PPFIA4: variants seen among roughly 807,000 people sequenced by gnomAD.
PPFIA4 encodes PPFI scaffold protein A4.
In PPFIA4, 98 loss-of-function variants were observed where a neutral mutation model predicts 145.7. The observed-to-expected ratio is 0.67, with a 90% CI of 0.57 to 0.80. The LOEUF (loss-of-function observed/expected upper bound fraction) is 0.80. Ranked by LOEUF, PPFIA4 falls within the 30% of genes least tolerant of loss-of-function variation. PPFIA4 has a pLI of 0.00. For synonymous variants in PPFIA4, 628 were observed against 649.6 expected, an observed-to-expected ratio of 0.97 and a Z score of 0.51; for missense variants, 1,457 against 1,632.7, an observed-to-expected ratio of 0.89 and a Z score of 1.85.
At position 203,056,483 on chromosome 1, in the gene PPFIA4, G is replaced by A; in HGVS notation, c.2215G>A (p.Ala739Thr). ...TLRLEKLGHP[A>T]LSQEEGKSAL... ...GCGGCTAGAGAAGCTTGGCCACCCA[G>A]CCCTGAGCCAGGAAGAAGGCAAGAG... Residue 739 changes from alanine (A) to threonine (T), a missense_variant, in exon 18 of 30, where the codon GCC (alanine) becomes ACC (threonine). Physicochemically the swap from Ala to Thr is moderately conservative, Grantham distance 58. Around this residue, in one of 3 missense-constraint regions of PPFIA4, gnomAD observed 848 missense variants for 1,046.7 expected, o/e 0.81. Transcript: ENST00000295706. The A allele has an allele frequency of 6.2e-7, 1 of 1,613,924 alleles. No individual in the cohort carries two copies. The highest frequency in any genetic ancestry group is 2.2e-5 in the East Asian group (1 of 44,888).
intron 28 of PPFIA4, 78 bp downstream of exon 28, chr1:203,071,838 C>A: frequency 8.0e-7 from 1 of 1,242,552 alleles, no homozygotes; most frequent in Non-Finnish European, 1.2e-6. Context: ...GTTCTGCCTT[C>A]CCTGGGCTAA....
chr1:203,066,202 G>A (rs1661717793), intron 25 of PPFIA4, among the ~76,000 whole-genome samples: 1 of 152,210 alleles, frequency 6.6e-6, no homozygotes. Flanking sequence ...CCAGTCATGA[G>A]CTGTGTGTGC....
intron 27 of PPFIA4, among the ~76,000 whole-genome samples, chr1:203,070,364 T>G (rs1391926784): frequency 6.6e-6 from 1 of 152,112 alleles, no homozygotes; most frequent in Non-Finnish European, 1.5e-5. Context: ...GAGGATTGCT[T>G]GAGGCCAGGA....
chr1:203,066,219 C>G (rs566412996), intron 25 of PPFIA4, among the ~76,000 whole-genome samples: 72 of 152,274 alleles, frequency 4.7e-4, no homozygotes, highest in African/African-American at 1.7e-3. Flanking sequence ...GTGCGCATGC[C>G]CCTTCACAGT....
At position 203,076,673 on chromosome 1, in the gene PPFIA4, G is replaced by T; in HGVS notation, c.*283G>T. 2.0e-6 allele frequency: 1 copy of T among 507,688 alleles called. No individual in the cohort carries two copies. The highest frequency in any genetic ancestry group is 3.6e-6 in the Non-Finnish European group (1 of 281,062). 31.4% of individuals were successfully genotyped at this position (507,688 alleles called of 1,614,324 possible). A position where few individuals can be genotyped will look rare whatever the true frequency, so the allele number is the denominator to read the frequency against. On this transcript the variant is annotated 3_prime_UTR_variant, in exon 30 of 30. Transcript: ENST00000295706. ...ATTCTGGGGGAAGGAGAGAAGGGCA[G>T]CTCAGGGTGGATGTGAAGCCACCCT...
chr1:203,039,688 G>A (rs1259316421), intron 2 of PPFIA4, among the ~76,000 whole-genome samples: 3 of 152,220 alleles, frequency 2.0e-5, no homozygotes. Flanking sequence ...ATGATAGGCA[G>A]GGCTGAATCT....
rs1235106675 is a variant in PPFIA4 at position 203,046,244 on chromosome 1, C to T, written c.1006-4C>T. ...GAATCACTTCACCACCCCCACATTG[C>T]TAGTGTGAGGAGAAGGCCCGACACC... On this transcript the variant is annotated splice_region_variant and splice_polypyrimidine_tract_variant and intron_variant, in intron 8 of 29. Coordinates refer to ENST00000295706, the MANE Select transcript of PPFIA4 (RefSeq NM_001304331.2). 3.8e-6 allele frequency: 6 copies of T among 1,587,664 alleles called. No individual in the cohort carries two copies. Among genetic ancestry groups the T allele is most frequent in the African/African-American group, 2.7e-5 (2 of 74,328 alleles).
chr1:203,076,213 G>T, intron 29 of PPFIA4, 128 bp from the exon 30 acceptor site: 1 of 1,055,280 alleles, frequency 9.5e-7, no homozygotes, highest in Non-Finnish European at 1.4e-6. Flanking sequence ...TTCCTGCTTC[G>T]TCTGGCCTGG....
chr1:203,053,805 C>G lies in PPFIA4; in HGVS notation c.1673C>G (p.Ala558Gly). The change falls in exon 15 of 30, where the codon GCC (alanine) becomes GGC (glycine). Residue 558 changes from alanine to glycine, a missense_variant. Physicochemically the swap from Ala to Gly is moderately conservative, Grantham distance 60. Transcript: ENST00000295706. ...PGMLAPAAGP[A>G]FDSDPEISDV... Reference sequence around the variant, plus strand: ...ATGCTGGCCCCGGCAGCTGGCCCTGCCTTTGACAGTGACCCTGAGATCTCC... The same window carrying G: ...ATGCTGGCCCCGGCAGCTGGCCCTGGCTTTGACAGTGACCCTGAGATCTCC... The G allele has an allele frequency of 1.3e-6, 2 of 1,552,964 alleles. No individual in the cohort carries two copies. Among genetic ancestry groups the G allele is most frequent in the Non-Finnish European group, 1.7e-6 (2 of 1,147,824 alleles).
At chr1:203,042,496 A>G (rs768962614) in intron 2 of PPFIA4, among the ~76,000 whole-genome samples, 1 of 152,172 alleles carries the variant, frequency 6.6e-6, no homozygotes, top group Non-Finnish European at 1.5e-5. Context: ...TCTTGCTCCT[A>G]TGTAGGTAGG....
chr1:203,045,444 G>C lies in PPFIA4; in HGVS notation c.743G>C (p.Arg248Pro). The change falls in exon 7 of 30, where the codon CGA becomes CCA. Residue 248 changes from arginine to proline, a missense_variant. Coordinates refer to ENST00000295706, the MANE Select transcript of PPFIA4 (RefSeq NM_001304331.2). ...QNFELSQARE[R>P]LVTLTTTVTE... ...TTTGAGTTGAGCCAGGCCCGGGAGCGACTGGTCACCCTAACAACAACCGTG... is the reference window on the plus strand; with the variant it reads ...TTTGAGTTGAGCCAGGCCCGGGAGCCACTGGTCACCCTAACAACAACCGTG... 6.2e-7 allele frequency: 1 copy of C among 1,609,828 alleles called. No individual in the cohort carries two copies. The highest frequency in any genetic ancestry group is 8.5e-7 in the Non-Finnish European group (1 of 1,178,704).
In PPFIA4 at chr1:203,048,410, A is replaced by G; in HGVS notation, c.1224+100A>G. On this transcript the variant is annotated intron_variant, in intron 10 of 29. Transcript: ENST00000295706. The surrounding 1 kb of genome is among the most constrained non-coding windows in gnomAD (Gnocchi z 5.8). Reference sequence around the variant, plus strand: ...GCACGGAGGAAGGGCCTGGCCAGGGACACAGCCACAGAGAGTGGGAGGAGG... The same window carrying G: ...GCACGGAGGAAGGGCCTGGCCAGGGGCACAGCCACAGAGAGTGGGAGGAGG... 1.3e-6 allele frequency: 2 copies of G among 1,486,178 alleles called. No homozygotes were observed. The highest frequency in any genetic ancestry group is 9.2e-7 in the Non-Finnish European group (1 of 1,087,616). The allele number at this position is 1,486,178 out of a possible 1,614,324, so 92.1% of individuals were successfully genotyped here.
intron 1 of PPFIA4, among the ~76,000 whole-genome samples, chr1:203,033,177 A>G (rs542192241): frequency 6.6e-6 from 1 of 152,304 alleles, no homozygotes; most frequent in Admixed American, 6.5e-5. Context: ...CTGTGAGAGC[A>G]CTGGAGCGTA....
chr1:203,068,722 G>C lies in PPFIA4; in HGVS notation c.3324+94G>C. ...TCATACACAAAGGCTTAGGTATCTT[G>C]GGGGGTGGGGAGCTTTTCTAGGGCC... is the stretch of plus-strand genomic sequence containing the variant. On this transcript the variant is annotated intron_variant, in intron 27 of 29. Coordinates refer to ENST00000295706, the MANE Select transcript of PPFIA4 (RefSeq NM_001304331.2). The surrounding 1 kb of genome is among the most constrained non-coding windows in gnomAD (Gnocchi z 4.7). 2 of 1,295,842 alleles carry C rather than the reference G, an allele frequency of 1.5e-6. No individual in the cohort carries two copies. The highest frequency in any genetic ancestry group is 3.8e-5 in the South Asian group (2 of 53,198). 80.3% of individuals were successfully genotyped at this position (1,295,842 alleles called of 1,614,324 possible).
Position 203,049,734 on chromosome 1 carries a change from G to A in PPFIA4, c.1478G>A (p.Arg493Gln), listed in dbSNP as rs750576318. ...LRQEVDQLKG[R>Q]GGPFVDGVHS... ...CAAGAGGTGGACCAGCTGAAGGGCC[G>A]AGGGGGGCCGTTTGTGGATGGCGTC... Residue 493 changes from arginine to glutamine, a missense_variant, in exon 13 of 30, where the codon CGA (arginine) becomes CAA (glutamine). Transcript: ENST00000295706. The A allele has an allele frequency of 6.9e-6, 11 of 1,588,564 alleles. No individual in the cohort carries two copies. The highest frequency in any genetic ancestry group is 3.4e-5 in the South Asian group (3 of 86,978).
At chr1:203,034,814 T>C (rs980950257) in intron 1 of PPFIA4, 2 of 407,862 alleles carry the variant, frequency 4.9e-6, no homozygotes, top group Admixed American at 5.6e-5. Flanking sequence ...ACATGAAGTC[T>C]GAAGGAGTTG....
chr1:203,039,048 C>A lies in PPFIA4; in HGVS notation c.40C>A (p.Leu14Met). Residue 14 changes from leucine (L) to methionine (M), a missense_variant, in exon 2 of 30, where the codon CTG becomes ATG. By Grantham distance (15) the Leu-to-Met change is conservative (BLOSUM62 2). This residue lies in a region of PPFIA4 where 463 missense variants were observed against 459.8 expected (regional missense o/e 1.01). Coordinates refer to ENST00000295706, the MANE Select transcript of PPFIA4 (RefSeq NM_001304331.2). ...GCCCACAATCAATGAGGGGGACCGCCTGGGTCCCCCTCATGGCGCCGATGC... is the reference window on the plus strand; with the variant it reads ...GCCCACAATCAATGAGGGGGACCGCATGGGTCCCCCTCATGGCGCCGATGC... ...VMPTINEGDR[L>M]GPPHGADADA... is the part of the protein sequence containing the mutation. The A allele has an allele frequency of 1.3e-6, 2 of 1,579,582 alleles. No individual in the cohort carries two copies. Among genetic ancestry groups the A allele is most frequent in the East Asian group, 2.3e-5 (1 of 44,014 alleles).
rs1446233645 is a variant in PPFIA4 at position 203,063,922 on chromosome 1, G to A, written c.2969G>A (p.Cys990Tyr). ...CAGTACCGCAGCTACTTCATGGAGTGCCTGGTGGACGCCCGCATGCTGGAC... is the reference window on the plus strand; with the variant it reads ...CAGTACCGCAGCTACTTCATGGAGTACCTGGTGGACGCCCGCATGCTGGAC... ...LPQYRSYFME[C>Y]LVDARMLDHL... Residue 990 changes from cysteine to tyrosine, a missense_variant, in exon 25 of 30, where the codon TGC becomes TAC. Coordinates refer to ENST00000295706, the MANE Select transcript of PPFIA4 (RefSeq NM_001304331.2). 1 of 1,614,106 alleles carries A rather than the reference G, an allele frequency of 6.2e-7. No individual in the cohort carries two copies. The highest frequency in any genetic ancestry group is 8.5e-7 in the Non-Finnish European group (1 of 1,179,918).
At chr1:203,029,804 T>A (rs1658687909) in intron 1 of PPFIA4, among the ~76,000 whole-genome samples, 1 of 152,184 alleles carries the variant, frequency 6.6e-6, no homozygotes. Flanking sequence ...GGCATATGGG[T>A]TTATAACCCT....
Sources: gnomAD v4.1 joint callset for allele counts (sites outside exome capture counted in the v4.1 genomes callset) on GRCh38, gnomAD v4.1.1 for gene constraint, gnomAD v4.1.1 regional missense constraint, Gnocchi (gnomAD v3.1) non-coding constraint, MANE v1.5 for transcripts, NCBI Gene and HGNC (gene_info 2026-07-23, HGNC 2026-07-21) for gene names.